IL13RA1: variants seen among roughly 807,000 people sequenced by gnomAD.
The protein encoded by IL13RA1 is interleukin-13 receptor subunit alpha-1.
IL13RA1 carries 14 observed loss-of-function variants against 33.8 expected under a neutral mutation model. That is an observed-to-expected ratio of 0.41 (90% confidence interval 0.27 to 0.65). The LOEUF (loss-of-function observed/expected upper bound fraction) is 0.65. Among genes scored for constraint, IL13RA1 ranks in the 30% least tolerant of loss-of-function variants. The probability of loss-of-function intolerance (pLI) is 0.28; values close to 1 mark genes in which losing one functional copy is unlikely to be tolerated. For missense variants in IL13RA1, 313 were observed against 327.0 expected (o/e 0.96, Z 0.33); for synonymous variants, 116 against 115.7 (o/e 1.00, Z -0.02).
At chrX:118,733,710 A>G (rs745556248) in intron 1 of IL13RA1, among the ~76,000 whole-genome samples, 8 of 111,879 alleles carry the variant, frequency 7.2e-5, no homozygotes, top group African/African-American at 2.6e-4. Flanking sequence ...CAATGGTATG[A>G]AGCTTTTGTC....
rs181258732 is a variant in IL13RA1 at position 118,747,356 on chromosome X, C to T, written c.367+264C>T. 5.1e-3 allele frequency among the ~76,000 whole-genome samples: 552 copies of T among 109,089 alleles called. 4 individuals carry two copies. The highest frequency in any genetic ancestry group is 0.017 in the African/African-American group (514 of 30,047). 94.7% of individuals were successfully genotyped at this position (109,089 alleles called of 115,157 possible). ...AAAATGATATACACATGCACGCGCG[C>T]GCACACACACACTCACACACACACA... On this transcript the variant is annotated intron_variant, in intron 3 of 10. Coordinates refer to ENST00000371666, the MANE Select transcript of IL13RA1 (RefSeq NM_001560.3).
Position 118,791,775 on chromosome X carries a change from AC to A in IL13RA1, c.1206del (p.Tyr402Ter). On this transcript the variant is annotated frameshift_variant, in exon 11 of 11. Transcript: ENST00000371666. LOFTEE classifies it high-confidence loss of function. Reference protein sequence around the residue: ...QNDDTLHWKKYDIYEKQTKEE... With the variant: ...QNDDTLHWKKXDIYEKQTKEE... ...CCTCCCTTCTAGCACTGGAAGAAGT[AC>A]GACATCTATGAGAAGCAAACCAAGG... is the stretch of plus-strand genomic sequence containing the variant. The A allele has an allele frequency of 9.9e-7, 1 of 1,007,296 alleles. No homozygotes were observed. The highest frequency in any genetic ancestry group is 1.4e-6 in the Non-Finnish European group (1 of 712,577). 83.0% of individuals were successfully genotyped at this position (1,007,296 alleles called of 1,213,427 possible).
chrX:118,783,176 C>T (rs2017864746), intron 10 of IL13RA1, among the ~76,000 whole-genome samples: 1 of 111,611 alleles, frequency 9.0e-6, no homozygotes, highest in South Asian at 3.7e-4. Context: ...AAATTTATGC[C>T]TTTAAATTAT....
chrX:118,786,172 C>T (rs184804687), intron 10 of IL13RA1, among the ~76,000 whole-genome samples: 204 of 110,118 alleles, frequency 1.9e-3, no homozygotes, highest in African/African-American at 6.4e-3. Flanking sequence ...AGACAGATCA[C>T]AAGGTCAGGA....
intron 10 of IL13RA1, among the ~76,000 whole-genome samples, chrX:118,784,722 C>T (rs938998353): frequency 8.9e-6 from 1 of 111,915 alleles, no homozygotes; most frequent in African/African-American, 3.2e-5. Context: ...GAATTATTTA[C>T]AAATTGATGG....
In IL13RA1 at chrX:118,747,082, AC is replaced by A; in HGVS notation, c.362del (p.Pro121GlnfsTer9). 1 of 1,161,419 alleles carries A rather than the reference AC, an allele frequency of 8.6e-7. No individual in the cohort carries two copies. The highest frequency in any genetic ancestry group is 1.2e-6 in the Non-Finnish European group (1 of 853,763). On this transcript the variant is annotated frameshift_variant, in exon 3 of 11. Transcript: ENST00000371666. LOFTEE classifies it high-confidence loss of function. ...GCATTTTGGTTGAAAAATGCATCTC[AC>A]CCCCAGAAGGTAACAACTGAAAGCG... Reference protein sequence around the residue: ...PSILVEKCISPPEGDPESAVT... With the variant: ...PSILVEKCISXPEGDPESAVT...
intron 1 of IL13RA1, among the ~76,000 whole-genome samples, chrX:118,728,852 TAAGTA>T (rs1406510121): frequency 4.5e-5 from 5 of 111,041 alleles, no homozygotes; most frequent in African/African-American, 6.6e-5. Context: ...CTGAGGGTGT[TAAGTA>T]GAGAAAAACA....
chrX:118,797,261 G>C (rs746893832), downstream of IL13RA1, among the ~76,000 whole-genome samples: 3 of 112,069 alleles, frequency 2.7e-5, no homozygotes, highest in Admixed American at 9.4e-5. Context: ...GATGATTTTT[G>C]TTTTACAAAT....
At chrX:118,802,917 A>G in the IL13RA1 span, among the ~76,000 whole-genome samples, 2 of 111,616 alleles carry the variant, frequency 1.8e-5, no homozygotes, top group African/African-American at 3.3e-5. Flanking sequence ...ACCAACATGC[A>G]TATACAAGAC....
chrX:118,758,492 T>A (rs184812251), intron 5 of IL13RA1, among the ~76,000 whole-genome samples: 70 of 112,445 alleles, frequency 6.2e-4, no homozygotes, highest in African/African-American at 2.2e-3. Context: ...CAGTTAGTTG[T>A]AGAACCAACA....
intron 5 of IL13RA1, among the ~76,000 whole-genome samples, chrX:118,760,027 C>T (rs776870055): frequency 4.0e-4 from 45 of 111,862 alleles, no homozygotes; most frequent in African/African-American, 1.2e-3. Context: ...CCCACCTTGG[C>T]TCCCAAAGTA....
At chrX:118,783,060 G>A (rs1483882872) in intron 10 of IL13RA1, among the ~76,000 whole-genome samples, 1 of 111,927 alleles carries the variant, frequency 8.9e-6, no homozygotes, top group Non-Finnish European at 1.9e-5. Flanking sequence ...TGGGGCTAAG[G>A]TACATGAAGC....
At chrX:118,776,541 G>GAAATGT (rs775722971) in intron 10 of IL13RA1, 30 bp downstream of exon 10, 1 of 167,994 alleles carries the variant, frequency 6.0e-6, no homozygotes, top group Admixed American at 1.0e-4. Flanking sequence ...GGCTTGAAAT[G>GAAATGT]TTTTTTTTTT....
chrX:118,768,639 C>G (rs765614735), intron 8 of IL13RA1, among the ~76,000 whole-genome samples: 32 of 111,921 alleles, frequency 2.9e-4, no homozygotes, highest in Non-Finnish European at 5.8e-4. Flanking sequence ...TTAAAGTGGA[C>G]AGTTAATCTA....
At chrX:118,761,488 A>G (rs1251346160) in intron 6 of IL13RA1, 199 bp downstream of exon 6, 1 of 296,279 alleles carries the variant, frequency 3.4e-6, no homozygotes, top group Non-Finnish European at 5.8e-6. Context: ...GTTTCAAGCC[A>G]TTTATTCATC....
intron 4 of IL13RA1, among the ~76,000 whole-genome samples, chrX:118,755,137 C>A (rs2017515568): frequency 9.2e-6 from 1 of 109,154 alleles, no homozygotes; most frequent in African/African-American, 3.3e-5. Context: ...TCAGTAGAGA[C>A]AGGGTTTTAC....
intron 10 of IL13RA1, among the ~76,000 whole-genome samples, chrX:118,791,151 G>T (rs1014528062): frequency 9.0e-6 from 1 of 111,568 alleles, no homozygotes; most frequent in African/African-American, 3.3e-5. Context: ...GTAAAAAAAA[G>T]GCAAGGACCA....
At chrX:118,801,081 C>T in the IL13RA1 span, among the ~76,000 whole-genome samples, 3 of 112,673 alleles carry the variant, frequency 2.7e-5, no homozygotes, top group Non-Finnish European at 5.6e-5. Flanking sequence ...TGAGCCATTG[C>T]TCCCAGCCAA....
Position 118,792,747 on chromosome X carries a change from C to T in IL13RA1, c.*893C>T, listed in dbSNP as rs1302097429. The T allele has an allele frequency of 1.9e-5, 2 of 103,621 alleles. No homozygotes were observed. Among genetic ancestry groups the T allele is most frequent in the Middle Eastern group, 5.7e-3 (1 of 176 alleles). The allele number at this position is 103,621 out of a possible 1,213,427, so 8.5% of individuals were successfully genotyped here. On this transcript the variant is annotated 3_prime_UTR_variant, in exon 11 of 11. Coordinates refer to ENST00000371666, the MANE Select transcript of IL13RA1 (RefSeq NM_001560.3). ...CCTCTGCTTTGAAAGCCCCAGAAAT[C>T]AGTGTTGGCCATGATGACAACTACA...
Sources: gnomAD v4.1 joint callset for allele counts (sites outside exome capture counted in the v4.1 genomes callset) on GRCh38, gnomAD v4.1.1 for gene constraint, MANE v1.5 for transcripts, NCBI Gene and HGNC (gene_info 2026-07-23, HGNC 2026-07-21) for gene names.